The following ARK2C variants were observed in gnomAD, a reference collection of about 807,000 sequenced individuals.
ARK2C encodes the protein arkadia (RNF111) C-terminal like ring finger ubiquitin ligase 2C.
At chr18:46,446,531 C>T in the ARK2C span, among the ~76,000 whole-genome samples, 4 of 151,532 alleles carry the variant, frequency 2.6e-5, no homozygotes, top group African/African-American at 4.8e-5. Context: ...GTTATCCGGG[C>T]GTGGTGTGGC....
the ARK2C span, among the ~76,000 whole-genome samples, chr18:46,437,583 C>A: frequency 1.3e-5 from 2 of 151,972 alleles, no homozygotes; most frequent in Non-Finnish European, 2.9e-5. Context: ...GTTACCCTGG[C>A]CTTTTTTCCT....
the ARK2C span, among the ~76,000 whole-genome samples, chr18:46,338,708 CT>C: frequency 6.6e-6 from 1 of 152,060 alleles, no homozygotes; most frequent in East Asian, 1.9e-4. Context: ...TCAATTACAC[CT>C]ATTCAATTTC....
At chr18:46,462,024 T>C in the ARK2C span, 1 of 152,262 alleles carries the variant, frequency 6.6e-6, no homozygotes, top group Non-Finnish European at 1.5e-5. Context: ...GGAAAACAGA[T>C]TGGGACATAG....
the ARK2C span, among the ~76,000 whole-genome samples, chr18:46,387,274 A>G: frequency 6.6e-6 from 1 of 152,184 alleles, no homozygotes; most frequent in Non-Finnish European, 1.5e-5. Flanking sequence ...AGAGAGTCCC[A>G]TTCAGCAAGT....
At chr18:46,409,412 G>A in the ARK2C span, among the ~76,000 whole-genome samples, 2 of 152,174 alleles carry the variant, frequency 1.3e-5, no homozygotes, top group African/African-American at 2.4e-5. Flanking sequence ...AAACGGTGGT[G>A]GTGATGCACT....
chr18:46,343,371 A>G, the ARK2C span, among the ~76,000 whole-genome samples: 7 of 152,232 alleles, frequency 4.6e-5, no homozygotes, highest in African/African-American at 1.7e-4. Flanking sequence ...CCTTCCATCA[A>G]TTCTCAGTTT....
the ARK2C span, among the ~76,000 whole-genome samples, chr18:46,422,893 C>A: frequency 6.6e-6 from 1 of 152,164 alleles, no homozygotes; most frequent in African/African-American, 2.4e-5. Context: ...GACTCAAATC[C>A]GCCTACTGGA....
chr18:46,429,222 T>C, the ARK2C span, among the ~76,000 whole-genome samples: 3 of 152,366 alleles, frequency 2.0e-5, no homozygotes, highest in African/African-American at 7.2e-5. Flanking sequence ...AGAAATTCTT[T>C]GGATTTTCAT....
At chr18:46,379,173 A>G in the ARK2C span, among the ~76,000 whole-genome samples, 5 of 152,304 alleles carry the variant, frequency 3.3e-5, no homozygotes, top group Admixed American at 3.3e-4. Context: ...CCTGTCATAC[A>G]AGAGTTGCTG....
chr18:46,404,396 C>A, the ARK2C span, among the ~76,000 whole-genome samples: 5 of 151,882 alleles, frequency 3.3e-5, no homozygotes, highest in East Asian at 9.6e-4. Flanking sequence ...TATTAAGCAC[C>A]TTTTTCGTGT....
At chr18:46,371,642 T>C in the ARK2C span, among the ~76,000 whole-genome samples, 1 of 152,218 alleles carries the variant, frequency 6.6e-6, no homozygotes, top group East Asian at 1.9e-4. Flanking sequence ...TTAGTATTGA[T>C]GATAAGCCTC....
chr18:46,456,271 C>T, the ARK2C span, among the ~76,000 whole-genome samples: 6 of 152,104 alleles, frequency 3.9e-5, no homozygotes, highest in African/African-American at 9.7e-5. Flanking sequence ...TGCCCGGGTA[C>T]GGACGCGAGG....
the ARK2C span, among the ~76,000 whole-genome samples, chr18:46,408,706 G>A: frequency 2.6e-5 from 4 of 152,208 alleles, no homozygotes; most frequent in African/African-American, 4.8e-5. Flanking sequence ...GGAACAGTCC[G>A]AGGTCACATC....
At chr18:46,419,983 C>T in the ARK2C span, among the ~76,000 whole-genome samples, 1 of 152,116 alleles carries the variant, frequency 6.6e-6, no homozygotes, top group Non-Finnish European at 1.5e-5. Context: ...CCCAATACCC[C>T]AGAGTGCTAG....
At chr18:46,437,971 C>T in the ARK2C span, among the ~76,000 whole-genome samples, 2 of 152,218 alleles carry the variant, frequency 1.3e-5, no homozygotes, top group Admixed American at 1.3e-4. Context: ...CCAAAGCTCC[C>T]TGAGCCTGGA....
the ARK2C span, among the ~76,000 whole-genome samples, chr18:46,349,438 C>T: frequency 5.3e-5 from 8 of 152,184 alleles, no homozygotes; most frequent in Non-Finnish European, 1.0e-4. Flanking sequence ...AATCACTTCT[C>T]GAAGACCCCA....
At chr18:46,440,325 A>T in the ARK2C span, among the ~76,000 whole-genome samples, 1 of 152,290 alleles carries the variant, frequency 6.6e-6, no homozygotes, top group South Asian at 2.1e-4. Context: ...TTTTTGCAGT[A>T]TATTGTTATA....
At chr18:46,366,224 G>A in the ARK2C span, among the ~76,000 whole-genome samples, 2 of 150,254 alleles carry the variant, frequency 1.3e-5, no homozygotes, top group African/African-American at 2.5e-5. Flanking sequence ...CCCGGGAGGT[G>A]GAGGTTGAAG....
At chr18:46,403,373 G>A in the ARK2C span, among the ~76,000 whole-genome samples, 17,982 of 151,770 alleles carry the variant, frequency 0.12, 1,261 homozygotes, top group East Asian at 0.28. Flanking sequence ...CCCTGCCCCC[G>A]GAGAGAGCCC....
Sources: allele counts gnomAD v4.1 joint callset (sites outside exome capture counted in the v4.1 genomes callset), GRCh38; gene constraint gnomAD v4.1.1; transcripts MANE v1.5; gene names NCBI Gene and HGNC (gene_info 2026-07-23, HGNC 2026-07-21).